Variants in FCHSD2 observed in about 807,000 individuals in gnomAD.
FCHSD2 encodes the protein F-BAR and double SH3 domains protein 2.
In FCHSD2, 38 loss-of-function variants were observed where a neutral mutation model predicts 108.1. The ratio of observed to expected loss-of-function variants is 0.35; its 90% CI spans 0.27 to 0.46. FCHSD2 has a LOEUF of 0.46. Ranked by LOEUF, FCHSD2 falls within the 20% of genes least tolerant of loss-of-function variation. The pLI is 1.00. For missense variants in FCHSD2, 751 were observed against 897.8 expected (o/e 0.84, Z 2.09); for synonymous variants, 279 against 314.7 (o/e 0.89, Z 1.20).
intron 2 of FCHSD2, among the ~76,000 whole-genome samples, chr11:73,129,112 C>G (rs1165255934): frequency 6.6e-6 from 1 of 152,054 alleles, no homozygotes; most frequent in Non-Finnish European, 1.5e-5. Context: ...ACTTCTTGAT[C>G]TGCCCACCTC....
At chr11:73,046,531 T>G (rs978853087) in intron 3 of FCHSD2, among the ~76,000 whole-genome samples, 9 of 152,204 alleles carry the variant, frequency 5.9e-5, no homozygotes, top group Admixed American at 4.6e-4. Context: ...TGCACCACAT[T>G]ACTATAAATT....
At chr11:72,855,944 TAAA>T (rs1424677631) in intron 13 of FCHSD2, among the ~76,000 whole-genome samples, 2 of 152,278 alleles carry the variant, frequency 1.3e-5, no homozygotes, top group Admixed American at 6.5e-5. Context: ...AAAAACCTAA[TAAA>T]GAAGAGACAA....
At chr11:73,060,303 CTATT>C (rs1206202897) in intron 3 of FCHSD2, among the ~76,000 whole-genome samples, 39 of 152,290 alleles carry the variant, frequency 2.6e-4, no homozygotes, top group African/African-American at 9.4e-4. Context: ...TCATTTCTAC[CTATT>C]TATTATTATT....
intron 10 of FCHSD2, among the ~76,000 whole-genome samples, chr11:72,891,256 T>C (rs976856490): frequency 3.3e-4 from 51 of 152,352 alleles, no homozygotes; most frequent in African/African-American, 1.2e-3. Flanking sequence ...CAAGGTCTCA[T>C]AGCTCAAAAT....
chr11:73,047,767 A>C (rs1179713935), intron 3 of FCHSD2, among the ~76,000 whole-genome samples: 3 of 152,196 alleles, frequency 2.0e-5, no homozygotes, highest in African/African-American at 7.2e-5. Context: ...AAATGTATTG[A>C]CTTTTTTATA....
At chr11:73,101,625 C>T (rs1860227896) in intron 2 of FCHSD2, among the ~76,000 whole-genome samples, 2 of 151,950 alleles carry the variant, frequency 1.3e-5, no homozygotes, top group Admixed American at 1.3e-4. Context: ...TTTGTAGAGA[C>T]AGGATCTTAC....
intron 2 of FCHSD2, among the ~76,000 whole-genome samples, chr11:73,132,132 C>T (rs918965784): frequency 1.3e-5 from 2 of 152,222 alleles, no homozygotes; most frequent in African/African-American, 4.8e-5. Flanking sequence ...AACTGCATCA[C>T]AGCCTAAAAG....
At chr11:72,894,345 G>C (rs1855376787) in intron 10 of FCHSD2, among the ~76,000 whole-genome samples, 1 of 152,038 alleles carries the variant, frequency 6.6e-6, no homozygotes. Context: ...AGGAGTTTGA[G>C]ACCAGCCTGG....
intron 8 of FCHSD2, among the ~76,000 whole-genome samples, chr11:72,962,826 A>C (rs1423250354): frequency 6.6e-6 from 1 of 152,184 alleles, no homozygotes; most frequent in Non-Finnish European, 1.5e-5. Flanking sequence ...AATTAGAGTC[A>C]ATAGATTACA....
intron 3 of FCHSD2, among the ~76,000 whole-genome samples, chr11:73,037,858 A>C (rs562726992): frequency 3.9e-5 from 6 of 152,356 alleles, no homozygotes; most frequent in African/African-American, 1.4e-4. Flanking sequence ...CAACTTTAGG[A>C]AAAGAAGAAG....
In FCHSD2 at chr11:72,838,544, T is replaced by G. The variant is rs574549620; in HGVS notation, c.*247A>C. The G allele has an allele frequency of 1.5e-5, 8 of 539,964 alleles. No homozygotes were observed. Among genetic ancestry groups the G allele is most frequent in the Non-Finnish European group, 2.7e-5 (8 of 298,968 alleles). 33.4% of individuals were successfully genotyped at this position (539,964 alleles called of 1,614,324 possible). On this transcript the variant is annotated 3_prime_UTR_variant, in exon 20 of 20. Coordinates refer to ENST00000409418, the MANE Select transcript of FCHSD2 (RefSeq NM_014824.3). ...TAGGCATGAGGGCTGCCCCCCTCTT[T>G]GCTCCTAGGGTCCGCTAGGATTTGT...
chr11:73,104,389 C>A (rs1309829358), intron 2 of FCHSD2, among the ~76,000 whole-genome samples: 1 of 152,134 alleles, frequency 6.6e-6, no homozygotes, highest in African/African-American at 2.4e-5. Flanking sequence ...GCCTCAGCCT[C>A]CTCCAGAGTA....
At chr11:73,022,369 A>C (rs1328449801) in intron 3 of FCHSD2, among the ~76,000 whole-genome samples, 1 of 152,210 alleles carries the variant, frequency 6.6e-6, no homozygotes, top group Non-Finnish European at 1.5e-5. Flanking sequence ...GAAACCCTGA[A>C]GAATCTACCA....
At chr11:73,108,197 T>C (rs770838970) in intron 2 of FCHSD2, among the ~76,000 whole-genome samples, 1 of 152,254 alleles carries the variant, frequency 6.6e-6, no homozygotes, top group Non-Finnish European at 1.5e-5. Context: ...TGTTTGTCAA[T>C]GACTTCTTTT....
intron 5 of FCHSD2, among the ~76,000 whole-genome samples, chr11:72,991,118 C>T (rs1214191630): frequency 3.9e-5 from 6 of 152,178 alleles, no homozygotes; most frequent in South Asian, 2.1e-4. Flanking sequence ...CTAGAAGAAA[C>T]TGATAAATTC....
intron 13 of FCHSD2, among the ~76,000 whole-genome samples, chr11:72,857,695 C>T (rs1037663549): frequency 4.0e-5 from 6 of 151,852 alleles, no homozygotes; most frequent in Non-Finnish European, 8.8e-5. Context: ...GATGATCCAC[C>T]TGCCTCGGCC....
At chr11:73,100,289 A>T (rs1280668743) in intron 2 of FCHSD2, among the ~76,000 whole-genome samples, 1 of 152,188 alleles carries the variant, frequency 6.6e-6, no homozygotes, top group Non-Finnish European at 1.5e-5. Context: ...AACAATTAAC[A>T]GAGTGCCTTA....
chr11:72,897,319 TA>T (rs140771439), intron 10 of FCHSD2, among the ~76,000 whole-genome samples: 45,002 of 124,778 alleles, frequency 0.36, 7,051 homozygotes, highest in East Asian at 0.43. Flanking sequence ...TTAAAAAGAG[TA>T]AAAAAAAAAA....
At chr11:73,050,880 T>C (rs1361453855) in intron 3 of FCHSD2, among the ~76,000 whole-genome samples, 1 of 152,200 alleles carries the variant, frequency 6.6e-6, no homozygotes, top group African/African-American at 2.4e-5. Context: ...ACAATGGCCT[T>C]CTATTAGTCT....
Sources: allele counts gnomAD v4.1 joint callset (sites outside exome capture counted in the v4.1 genomes callset), GRCh38; gene constraint gnomAD v4.1.1; transcripts MANE v1.5; gene names NCBI Gene and HGNC (gene_info 2026-07-23, HGNC 2026-07-21).